VPS13B: variants seen among roughly 807,000 people sequenced by gnomAD.
VPS13B encodes intermembrane lipid transfer protein VPS13B.
Under a neutral mutation model 426.4 loss-of-function variants are expected in VPS13B, and 285 were observed. That is an observed-to-expected ratio of 0.67 (90% CI 0.61 to 0.74). The LOEUF (loss-of-function observed/expected upper bound fraction) is 0.74. Among genes scored for constraint, VPS13B ranks in the 30% least tolerant of loss-of-function variants. The probability of loss-of-function intolerance (pLI) is 0.00; values close to 1 mark genes in which losing one functional copy is unlikely to be tolerated. For missense variants in VPS13B, 4,537 were observed against 4,782.6 expected (o/e 0.95, Z 1.51); for synonymous variants, 1,676 against 1,676.4 (o/e 1.00, Z 0.01).
intron 20 of VPS13B, among the ~76,000 whole-genome samples, chr8:99,386,672 C>T (rs1022078130): frequency 1.3e-5 from 2 of 152,102 alleles, no homozygotes; most frequent in African/African-American, 4.8e-5. Flanking sequence ...GTATATTTTT[C>T]GAATTCAGAA....
chr8:99,532,640 G>T (rs1465784081), intron 30 of VPS13B, among the ~76,000 whole-genome samples: 5 of 151,826 alleles, frequency 3.3e-5, no homozygotes, highest in African/African-American at 1.2e-4. Context: ...TTCTTACTAT[G>T]AGTCTGATAA....
chr8:99,221,484 A>G (rs1563611224), intron 17 of VPS13B, among the ~76,000 whole-genome samples: 2 of 152,188 alleles, frequency 1.3e-5, no homozygotes, highest in Admixed American at 1.3e-4. Flanking sequence ...AGAAATGTTA[A>G]TTTTTTTAAA....
chr8:99,633,842 T>TGTGTGC (rs1325424655), intron 33 of VPS13B, among the ~76,000 whole-genome samples: 35 of 151,474 alleles, frequency 2.3e-4, no homozygotes, highest in African/African-American at 8.0e-4. Flanking sequence ...TGTGTGTGCG[T>TGTGTGC]GTTTTAACTG....
rs1235253772 is a variant in VPS13B at position 99,511,479 on chromosome 8, C to A, written c.4600C>A (p.Pro1534Thr). The change falls in exon 29 of 62, where the codon CCA becomes ACA. Residue 1534 changes from proline to threonine, a missense_variant. Physicochemically the swap from Pro to Thr is conservative, Grantham distance 38. Coordinates refer to ENST00000357162, the MANE Select transcript of VPS13B (RefSeq NM_152564.5). The part of the protein sequence containing the change: ...VNTSVIRIFI[P>T]KTEEMQPTVE... The stretch of plus-strand genomic sequence containing the variant: ...CACAAGTGTAATCAGAATTTTTATT[C>A]CAAAAACAGAAGAAATGCAGCCAAC... 1.9e-6 allele frequency: 3 copies of A among 1,612,082 alleles called. No homozygotes were observed. The highest frequency in any genetic ancestry group is 1.1e-5 in the South Asian group (1 of 90,188).
intron 35 of VPS13B, among the ~76,000 whole-genome samples, chr8:99,695,344 TAC>T (rs1831917043): frequency 6.7e-6 from 1 of 148,624 alleles, no homozygotes; most frequent in South Asian, 2.1e-4. Context: ...GTGGCACATA[TAC>T]ACCATGGAAT....
intron 54 of VPS13B, among the ~76,000 whole-genome samples, chr8:99,842,308 A>G (rs755353381): frequency 5.9e-5 from 9 of 152,168 alleles, no homozygotes; most frequent in South Asian, 2.1e-4. Flanking sequence ...TGCAACTTAA[A>G]TGTTCAAAAG....
chr8:99,485,327 C>A (rs1820245728), intron 25 of VPS13B, among the ~76,000 whole-genome samples: 1 of 152,050 alleles, frequency 6.6e-6, no homozygotes, highest in African/African-American at 2.4e-5. Context: ...TTCAGTGTAA[C>A]AATGTTATTT....
intron 3 of VPS13B, among the ~76,000 whole-genome samples, chr8:99,081,574 C>T (rs530650264): frequency 7.9e-6 from 1 of 127,288 alleles, no homozygotes. Context: ...ATCCCTCCCC[C>T]CTCCCCCAAC....
chr8:99,819,638 C>A, intron 48 of VPS13B, 56 bp downstream of exon 48: 1 of 1,568,992 alleles, frequency 6.4e-7, no homozygotes, highest in South Asian at 1.1e-5. Context: ...AACAAATGAT[C>A]ATTCACAAAA....
At chr8:99,657,469 ATTG>A (rs1487128199) in intron 34 of VPS13B, among the ~76,000 whole-genome samples, 1 of 4,340 alleles carries the variant, frequency 2.3e-4, no homozygotes, top group East Asian at 9.1e-3. Flanking sequence ...TACTTTAAAA[ATTG>A]TGTGTGTGTG....
At chr8:99,665,399 T>C (rs547526965) in intron 35 of VPS13B, among the ~76,000 whole-genome samples, 2,906 of 152,328 alleles carry the variant, frequency 0.019, 42 homozygotes, top group Non-Finnish European at 0.031. Flanking sequence ...TGCCCATGCC[T>C]ATGTCCTGAA....
chr8:99,376,300 G>A (rs963070805), intron 19 of VPS13B, among the ~76,000 whole-genome samples: 2 of 152,130 alleles, frequency 1.3e-5, no homozygotes, highest in Admixed American at 1.3e-4. Flanking sequence ...TTAAAGGTTG[G>A]TATCTTGTGA....
chr8:99,144,919 T>C (rs1410721035), intron 13 of VPS13B, among the ~76,000 whole-genome samples: 1 of 152,158 alleles, frequency 6.6e-6, no homozygotes, highest in Non-Finnish European at 1.5e-5. Context: ...GCTGTTTTAG[T>C]AGGGACTTTA....
chr8:99,225,384 A>T (rs1815961527), intron 17 of VPS13B, among the ~76,000 whole-genome samples: 1 of 151,830 alleles, frequency 6.6e-6, no homozygotes, highest in African/African-American at 2.4e-5. Flanking sequence ...GGTTCACGCC[A>T]TTCTGCCTCA....
intron 36 of VPS13B, among the ~76,000 whole-genome samples, chr8:99,714,814 G>A (rs972882431): frequency 6.6e-6 from 1 of 152,098 alleles, no homozygotes; most frequent in Non-Finnish European, 1.5e-5. Flanking sequence ...AAGAAAGCTG[G>A]GGGATGTGTC....
intron 40 of VPS13B, 82 bp from the exon 41 acceptor site, chr8:99,776,693 A>G (rs1001863245): frequency 2.3e-6 from 3 of 1,307,216 alleles, no homozygotes; most frequent in Non-Finnish European, 3.3e-6. Context: ...TAGTTTTAGA[A>G]ACCCTTATAA....
intron 2 of VPS13B, among the ~76,000 whole-genome samples, chr8:99,032,114 T>C (rs1342182682): frequency 1.3e-5 from 2 of 152,208 alleles, no homozygotes; most frequent in East Asian, 1.9e-4. Flanking sequence ...TTCTCGTCAA[T>C]AGGGAGTCCC....
At position 99,360,204 on chromosome 8, in the gene VPS13B, CTCTCTCTTTCTT is replaced by C. The variant is rs1419639563; in HGVS notation, c.2825-24000_2825-23989del. Among the ~76,000 whole-genome samples, 222 of 34,176 alleles carry C rather than the reference CTCTCTCTTTCTT, an allele frequency of 6.5e-3. 1 individual carries two copies. Among genetic ancestry groups the C allele is most frequent in the Middle Eastern group, 0.02 (1 of 50 alleles). 22.4% of individuals were successfully genotyped at this position (34,176 alleles called of 152,430 possible). On this transcript the variant is annotated intron_variant, in intron 19 of 61. Coordinates refer to ENST00000357162, the MANE Select transcript of VPS13B (RefSeq NM_152564.5). ...TTTCTTTCTTTCTCTCTCTCTCTCT[CTCTCTCTTTCTT>C]TCTTTCTTTCTTTCTTTCTCTCTCT...
intron 24 of VPS13B, among the ~76,000 whole-genome samples, chr8:99,477,672 T>C (rs1388198144): frequency 6.6e-6 from 1 of 152,238 alleles, no homozygotes; most frequent in Non-Finnish European, 1.5e-5. Context: ...TAGAGTACCT[T>C]CATGTAGTTA....
Sources: allele counts gnomAD v4.1 joint callset (sites outside exome capture counted in the v4.1 genomes callset), GRCh38; gene constraint gnomAD v4.1.1; transcripts MANE v1.5; gene names NCBI Gene and HGNC (gene_info 2026-07-23, HGNC 2026-07-21).